CHODL: variants seen among roughly 807,000 people sequenced by gnomAD.
CHODL encodes transmembrane protein MT75.
CHODL carries 29 observed loss-of-function variants against 34.5 expected under a neutral mutation model. The ratio of observed to expected loss-of-function variants is 0.84; its 90% CI spans 0.63 to 1.15. The LOEUF is 1.15. CHODL is among the 50% of genes most tolerant of loss of function. The probability of loss-of-function intolerance (pLI) is 0.00; values close to 1 mark genes in which losing one functional copy is unlikely to be tolerated. For missense variants in CHODL, 332 were observed against 332.5 expected (o/e 1.00, Z 0.01); for synonymous variants, 125 against 116.1 (o/e 1.08, Z -0.49).
chr21:18,174,121 GTGTATATATATA>G (rs1345084541), intron 2 of CHODL, among the ~76,000 whole-genome samples: 1,531 of 58,708 alleles, frequency 0.026, 209 homozygotes, highest in Non-Finnish European at 0.033. Context: ...ATATATCTTG[GTGTATATATATA>G]TATATATATA....
chr21:18,145,309 C>T (rs951603713), intron 2 of CHODL, among the ~76,000 whole-genome samples: 64 of 148,436 alleles, frequency 4.3e-4, no homozygotes, highest in Admixed American at 1.4e-3. Flanking sequence ...CGGTGGCGGG[C>T]GCCTGTAGTC....
At chr21:17,994,153 T>A (rs933245621) in intron 1 of CHODL, among the ~76,000 whole-genome samples, 7 of 130 alleles carry the variant, frequency 0.054, no homozygotes, top group African/African-American at 0.15. Flanking sequence ...TAATTTTGGG[T>A]TTTGTTCTTC....
chr21:17,977,337 C>G (rs2146369682), intron 1 of CHODL, among the ~76,000 whole-genome samples: 1 of 150,596 alleles, frequency 6.6e-6, no homozygotes, highest in South Asian at 2.1e-4. Context: ...TTTGGGATTA[C>G]ATGTTAAGGT....
chr21:18,162,303 T>A (rs1182491063), intron 2 of CHODL, among the ~76,000 whole-genome samples: 1 of 152,112 alleles, frequency 6.6e-6, no homozygotes, highest in East Asian at 1.9e-4. Context: ...TGAGGAAGAA[T>A]TTGTTTCATC....
intron 1 of CHODL, among the ~76,000 whole-genome samples, chr21:17,999,188 A>G (rs1335365801): frequency 2.0e-5 from 3 of 152,242 alleles, no homozygotes; most frequent in Non-Finnish European, 2.9e-5. Context: ...TTGCTAAAAC[A>G]TAACAAGAAT....
intron 1 of CHODL, among the ~76,000 whole-genome samples, chr21:17,973,938 T>C (rs2063640285): frequency 6.6e-6 from 1 of 152,166 alleles, no homozygotes; most frequent in South Asian, 2.1e-4. Context: ...CAAATAAATG[T>C]ATGTACTGGG....
intron 1 of CHODL, among the ~76,000 whole-genome samples, chr21:17,979,064 T>C (rs1437795563): frequency 1.3e-5 from 2 of 152,176 alleles, no homozygotes; most frequent in Admixed American, 1.3e-4. Flanking sequence ...ACTCATGAAA[T>C]TGGATTGGGC....
intron 1 of CHODL, among the ~76,000 whole-genome samples, chr21:18,251,604 A>G (rs1326266406): frequency 9.9e-6 from 1 of 101,466 alleles, no homozygotes; most frequent in Non-Finnish European, 1.9e-5. Context: ...TTATTTATTT[A>G]TTTTAATATA....
At chr21:18,009,234 A>G (rs933838823) in intron 1 of CHODL, among the ~76,000 whole-genome samples, 4 of 152,224 alleles carry the variant, frequency 2.6e-5, no homozygotes, top group African/African-American at 9.6e-5. Flanking sequence ...TTTAGCCTAT[A>G]TAGCTAAAAA....
intron 1 of CHODL, among the ~76,000 whole-genome samples, chr21:18,248,630 T>TAG (rs1432901110): frequency 7.6e-6 from 1 of 131,228 alleles, no homozygotes; most frequent in African/African-American, 2.9e-5. Flanking sequence ...ATAATATATA[T>TAG]AATACATATA....
At chr21:17,952,730 T>TTC (rs1248850270) in intron 1 of CHODL, among the ~76,000 whole-genome samples, 6 of 152,178 alleles carry the variant, frequency 3.9e-5, no homozygotes, top group East Asian at 1.9e-4. Context: ...AGAAAATGGA[T>TTC]TATTTAAAGC....
At chr21:18,194,797 G>C (rs1315184067) in intron 2 of CHODL, among the ~76,000 whole-genome samples, 1 of 151,832 alleles carries the variant, frequency 6.6e-6, no homozygotes, top group African/African-American at 2.4e-5. Context: ...GAATTTTCGA[G>C]TATTCAATAC....
Position 17,947,462 on chromosome 21 carries a change from A to G in CHODL, c.-145+30062A>G, listed in dbSNP as rs140303740. On this transcript the variant is annotated intron_variant, in intron 1 of 6. Transcript: ENST00000400127. The stretch of plus-strand genomic sequence containing the variant: ...AACAGACAACCTACAGAAGGGAGAA[A>G]ATATTTGCAAACTGTGCATCTGACA... Among the ~76,000 whole-genome samples the G allele has an allele frequency of 5.3e-3, 799 of 152,150 alleles. 4 individuals are homozygous for G. The highest frequency in any genetic ancestry group is 0.02 in the South Asian group (95 of 4,826).
At chr21:18,246,604 A>G (rs374054895) in intron 1 of CHODL, among the ~76,000 whole-genome samples, 4 of 152,166 alleles carry the variant, frequency 2.6e-5, no homozygotes, top group African/African-American at 7.2e-5. Flanking sequence ...CATTATATAG[A>G]CTCATCTGAT....
chr21:18,086,082 G>A (rs2065004276), intron 2 of CHODL, among the ~76,000 whole-genome samples: 1 of 32,532 alleles, frequency 3.1e-5, no homozygotes, highest in African/African-American at 1.2e-4. Context: ...GCTTGGATTA[G>A]TTTTAAAAAA....
intron 2 of CHODL, among the ~76,000 whole-genome samples, chr21:18,079,013 G>T (rs1414222580): frequency 1.3e-5 from 2 of 152,096 alleles, no homozygotes; most frequent in Non-Finnish European, 2.9e-5. Context: ...AGGTATAAGT[G>T]CAGATTTCTT....
intron 1 of CHODL, among the ~76,000 whole-genome samples, chr21:17,971,695 C>T (rs1026224191): frequency 2.0e-5 from 3 of 152,058 alleles, no homozygotes; most frequent in Non-Finnish European, 2.9e-5. Context: ...CAGGACCAGA[C>T]GGATTCACAG....
At chr21:18,244,713 G>A (rs2074115187), upstream of CHODL, 1 of 152,662 alleles carries the variant, frequency 6.6e-6, no homozygotes, top group African/African-American at 2.4e-5. Context: ...CCGTGTTTAG[G>A]GGAGGTGCTG....
chr21:18,096,459 G>A (rs2065141044), intron 2 of CHODL, among the ~76,000 whole-genome samples: 1 of 152,132 alleles, frequency 6.6e-6, no homozygotes, highest in African/African-American at 2.4e-5. Flanking sequence ...TATTTTCCCA[G>A]CAAGGAATAA....
Sources: gnomAD v4.1 joint callset for allele counts (sites outside exome capture counted in the v4.1 genomes callset) on GRCh38, gnomAD v4.1.1 for gene constraint, MANE v1.5 for transcripts, NCBI Gene and HGNC (gene_info 2026-07-23, HGNC 2026-07-21) for gene names.